Variants in UBL3 observed in about 807,000 individuals in gnomAD.
UBL3 encodes ubiquitin like 3.
UBL3 carries 6 observed loss-of-function variants against 18.4 expected under a neutral mutation model. The ratio of observed to expected loss-of-function variants is 0.33; its 90% CI spans 0.18 to 0.64. The LOEUF (loss-of-function observed/expected upper bound fraction) is 0.64. Ranked by LOEUF, UBL3 falls within the 30% of genes least tolerant of loss-of-function variation. The probability of loss-of-function intolerance (pLI) is 0.76; values close to 1 mark genes in which losing one functional copy is unlikely to be tolerated. For missense variants in UBL3, 109 were observed against 142.9 expected (o/e 0.76, Z 1.21); for synonymous variants, 49 against 46.6 (o/e 1.05, Z -0.21).
At chr13:29,832,785 T>C (rs1194424897) in intron 1 of UBL3, among the ~76,000 whole-genome samples, 2 of 152,222 alleles carry the variant, frequency 1.3e-5, no homozygotes, top group African/African-American at 4.8e-5. Flanking sequence ...GAAGTCAGCT[T>C]TGTGCCAACT....
At chr13:29,823,774 T>C (rs1878541336) in intron 1 of UBL3, among the ~76,000 whole-genome samples, 1 of 152,136 alleles carries the variant, frequency 6.6e-6, no homozygotes, top group Non-Finnish European at 1.5e-5. Flanking sequence ...AGGTTACACA[T>C]GTATACATGT....
chr13:29,799,942 G>GA lies in UBL3; in HGVS notation c.28-22680dup, dbSNP rs929739726. On this transcript the variant is annotated intron_variant, in intron 1 of 4. Transcript: ENST00000380680. ...CAAAATTTGTCACATTGTGGGTATT[G>GA]AAAAAAAAAAGCCAAAAAAGTCAAA... Among the ~76,000 whole-genome samples, 81 of 146,030 alleles carry GA rather than the reference G, an allele frequency of 5.5e-4. No individual in the cohort carries two copies. In the East Asian group the frequency reaches 0.012, roughly 22 times the overall value.
At position 29,767,209 on chromosome 13, in the gene UBL3, G is replaced by C. The variant is rs1377769104; in HGVS notation, c.*46C>G. On this transcript the variant is annotated 3_prime_UTR_variant, in exon 5 of 5. Coordinates refer to ENST00000380680, the MANE Select transcript of UBL3 (RefSeq NM_007106.4). ...ATGTCGGGTCTTTTCTGTCCCAGCA[G>C]CATGAAAGACAAAGACTATATCACA... 1.2e-6 allele frequency: 2 copies of C among 1,603,300 alleles called. No homozygotes were observed. Among genetic ancestry groups the C allele is most frequent in the African/African-American group, 1.3e-5 (1 of 74,528 alleles).
At chr13:29,782,154 G>A (rs956262500) in intron 1 of UBL3, among the ~76,000 whole-genome samples, 2 of 152,114 alleles carry the variant, frequency 1.3e-5, no homozygotes, top group African/African-American at 4.8e-5. Context: ...AAGACCTTCT[G>A]TTCTAGATGT....
chr13:29,811,619 A>C (rs1342299110), intron 1 of UBL3, among the ~76,000 whole-genome samples: 1 of 152,074 alleles, frequency 6.6e-6, no homozygotes. Flanking sequence ...CTTGTCTTTC[A>C]ACTGGTTGTG....
At chr13:29,823,540 A>C (rs1878534559) in intron 1 of UBL3, among the ~76,000 whole-genome samples, 1 of 152,204 alleles carries the variant, frequency 6.6e-6, no homozygotes, top group Admixed American at 6.5e-5. Context: ...CTCTTTAGGA[A>C]CCACTGGTCA....
At chr13:29,827,580 CAT>C (rs1216524339) in intron 1 of UBL3, among the ~76,000 whole-genome samples, 2 of 152,150 alleles carry the variant, frequency 1.3e-5, no homozygotes, top group African/African-American at 2.4e-5. Flanking sequence ...TGTCTCTGCA[CAT>C]GAGATGGGTT....
At chr13:29,827,789 A>G (rs1324559532) in intron 1 of UBL3, among the ~76,000 whole-genome samples, 2 of 152,130 alleles carry the variant, frequency 1.3e-5, no homozygotes, top group Non-Finnish European at 2.9e-5. Context: ...GGTCTTTACT[A>G]TTTGGCATGT....
At position 29,767,682 on chromosome 13, in the gene UBL3, A is replaced by G; in HGVS notation, c.237T>C (p.Pro79=). The change falls in exon 4 of 5, where the codon CCT becomes CCC. Residue 79 remains proline, a synonymous_variant. Coordinates refer to ENST00000380680, the MANE Select transcript of UBL3 (RefSeq NM_007106.4). ...GNVTLGALKL[P]FGKTTVMHLV... ...AATGCATCACTGTTGTTTTGCCAAA[A>G]GGAAGTTTTAATGCTATGTGAAAAG... is the stretch of plus-strand genomic sequence containing the variant. 1 of 1,612,880 alleles carries G rather than the reference A, an allele frequency of 6.2e-7. No homozygotes were observed. Among genetic ancestry groups the G allele is most frequent in the South Asian group, 1.1e-5 (1 of 91,040 alleles).
intron 1 of UBL3, among the ~76,000 whole-genome samples, chr13:29,779,621 T>C (rs980901006): frequency 2.0e-5 from 3 of 152,166 alleles, no homozygotes; most frequent in African/African-American, 4.8e-5. Flanking sequence ...AATGGGAAAA[T>C]AAATGATAGT....
At chr13:29,770,490 C>T (rs1287662245) in intron 3 of UBL3, among the ~76,000 whole-genome samples, 1 of 151,944 alleles carries the variant, frequency 6.6e-6, no homozygotes, top group Non-Finnish European at 1.5e-5. Context: ...GATTTTAACA[C>T]AAATTCTATG....
chr13:29,787,527 G>A (rs1406984971), intron 1 of UBL3, among the ~76,000 whole-genome samples: 1 of 152,114 alleles, frequency 6.6e-6, no homozygotes, highest in African/African-American at 2.4e-5. Context: ...AATCCTGTAA[G>A]CTTACAGAAC....
In UBL3 at chr13:29,806,321, T is replaced by C. The variant is rs1877899264; in HGVS notation, c.28-29058A>G. Among the ~76,000 whole-genome samples the C allele has an allele frequency of 2.6e-5, 4 of 152,240 alleles. No homozygotes were observed. In the South Asian group the frequency reaches 8.3e-4, roughly 31 times the overall value. ...ACTCAGCAAGTGAGTAGTTAGCTCT[T>C]CTTGTATGGTTATTGATTGACTTAC... On this transcript the variant is annotated intron_variant, in intron 1 of 4. Transcript: ENST00000380680.
intron 1 of UBL3, among the ~76,000 whole-genome samples, chr13:29,788,454 G>C (rs1055174711): frequency 6.6e-6 from 1 of 152,184 alleles, no homozygotes; most frequent in Non-Finnish European, 1.5e-5. Flanking sequence ...GAGATGCCCT[G>C]AGAGGCTGGC....
chr13:29,778,927 T>C (rs565658512), intron 1 of UBL3, among the ~76,000 whole-genome samples: 2 of 152,276 alleles, frequency 1.3e-5, no homozygotes, highest in South Asian at 4.1e-4. Context: ...TTTTAGAAGA[T>C]AAAAGAAAAT....
intron 2 of UBL3, 23 bp from the exon 3 acceptor site, chr13:29,772,221 G>A (rs745576925): frequency 3.8e-6 from 6 of 1,586,382 alleles, no homozygotes; most frequent in East Asian, 2.2e-5. Context: ...CAGTGTACTG[G>A]TTAGGTATAT....
intron 1 of UBL3, among the ~76,000 whole-genome samples, chr13:29,825,310 G>A (rs147073320): frequency 2.6e-5 from 4 of 152,086 alleles, no homozygotes; most frequent in African/African-American, 7.2e-5. Context: ...CCATTTTCAC[G>A]ATATTGATTA....
intron 1 of UBL3, among the ~76,000 whole-genome samples, chr13:29,831,699 TTAA>T (rs1187726555): frequency 6.6e-6 from 1 of 150,436 alleles, no homozygotes; most frequent in African/African-American, 2.4e-5. Context: ...GACAGCTTAC[TTAA>T]TGATAGAAAA....
chr13:29,835,106 A>AT (rs1878895611), intron 1 of UBL3, among the ~76,000 whole-genome samples: 1 of 28,222 alleles, frequency 3.5e-5, no homozygotes, highest in Non-Finnish European at 5.1e-5. Context: ...ATATATATAT[A>AT]AATATATATA....
Sources: allele counts gnomAD v4.1 joint callset (sites outside exome capture counted in the v4.1 genomes callset), GRCh38; gene constraint gnomAD v4.1.1; transcripts MANE v1.5; gene names NCBI Gene and HGNC (gene_info 2026-07-23, HGNC 2026-07-21).